Variants in NALF1 observed in about 807,000 individuals in gnomAD.
The protein encoded by NALF1 is family with sequence similarity 155 member A.
Under a neutral mutation model 48.4 loss-of-function variants are expected in NALF1, and 3 were observed. The ratio of observed to expected loss-of-function variants is 0.06; its 90% confidence interval spans 0.03 to 0.16. The LOEUF is 0.16. Ranked by LOEUF, NALF1 falls within the 10% of genes least tolerant of loss-of-function variation. The pLI is 1.00. For missense variants in NALF1, 526 were observed against 571.5 expected, an observed-to-expected ratio of 0.92 and a Z score of 0.81; for synonymous variants, 262 against 245.7, an observed-to-expected ratio of 1.07 and a Z score of -0.62.
At chr13:107,277,684 T>G (rs1346198739) in intron 1 of NALF1, among the ~76,000 whole-genome samples, 2 of 152,224 alleles carry the variant, frequency 1.3e-5, no homozygotes, top group South Asian at 2.1e-4. Flanking sequence ...CTTCTCCATA[T>G]TCCCAATTTC....
In NALF1 at chr13:107,865,118, G is replaced by C. The variant is rs529926838; in HGVS notation, c.915+564C>G. On this transcript the variant is annotated intron_variant, in intron 1 of 2. Transcript: ENST00000375915. ...AACTTAAAAAAAGTAAATATCCTCA[G>C]GTAGGCCCCCAGACTTTCTGAACAA... Among the ~76,000 whole-genome samples the C allele has an allele frequency of 4.6e-3, 705 of 152,272 alleles. 3 individuals carry two copies. Among genetic ancestry groups the C allele is most frequent in the Non-Finnish European group, 7.4e-3 (505 of 68,022 alleles).
At chr13:107,256,496 C>T (rs1021365622) in intron 1 of NALF1, among the ~76,000 whole-genome samples, 3 of 152,190 alleles carry the variant, frequency 2.0e-5, no homozygotes, top group Non-Finnish European at 2.9e-5. Flanking sequence ...ATATATGTAG[C>T]TGTTACAATT....
chr13:107,543,026 T>A (rs1470703633), intron 1 of NALF1, among the ~76,000 whole-genome samples: 1 of 152,100 alleles, frequency 6.6e-6, no homozygotes, highest in African/African-American at 2.4e-5. Context: ...GTTTCTTATA[T>A]CTGTTTACTA....
At chr13:107,534,899 C>A (rs1203902572) in intron 1 of NALF1, among the ~76,000 whole-genome samples, 1 of 152,170 alleles carries the variant, frequency 6.6e-6, no homozygotes, top group African/African-American at 2.4e-5. Context: ...AACGCATCCA[C>A]ATACCAAGAT....
chr13:107,695,170 G>A (rs920437648), intron 1 of NALF1, among the ~76,000 whole-genome samples: 1 of 152,092 alleles, frequency 6.6e-6, no homozygotes, highest in East Asian at 1.9e-4. Flanking sequence ...CTAAGCCTCA[G>A]TTTTCTCAGA....
chr13:107,265,092 C>T (rs1881012838), intron 1 of NALF1, among the ~76,000 whole-genome samples: 1 of 152,170 alleles, frequency 6.6e-6, no homozygotes, highest in African/African-American at 2.4e-5. Flanking sequence ...TTTTATTTTG[C>T]CAATCACTTG....
At chr13:107,855,918 T>A (rs2138646104) in intron 1 of NALF1, among the ~76,000 whole-genome samples, 1 of 152,296 alleles carries the variant, frequency 6.6e-6, no homozygotes, top group Middle Eastern at 3.4e-3. Flanking sequence ...GAGAATTTTT[T>A]TTTTTTTCAG....
intron 1 of NALF1, among the ~76,000 whole-genome samples, chr13:107,576,311 A>G (rs1329756299): frequency 2.6e-5 from 4 of 152,204 alleles, no homozygotes; most frequent in Non-Finnish European, 5.9e-5. Flanking sequence ...CCCAGCTTTA[A>G]AATTCCTAAC....
rs150076076 is a variant in NALF1, at chr13:107,596,698, T to C, written c.915+268984A>G. On this transcript the variant is annotated intron_variant, in intron 1 of 2. Transcript: ENST00000375915. ...GGGGGGTGGGGGACTAGGGGGAGGATAGCATTATGAGAAATACCTAATGTA... is the reference window on the plus strand; with the variant it reads ...GGGGGGTGGGGGACTAGGGGGAGGACAGCATTATGAGAAATACCTAATGTA... 9.9e-5 allele frequency among the ~76,000 whole-genome samples: 15 copies of C among 152,150 alleles called. No homozygotes were observed. The East Asian group carries it at 2.7e-3, about 27-fold the overall frequency.
At chr13:107,434,478 A>C (rs1354502412) in intron 1 of NALF1, among the ~76,000 whole-genome samples, 10 of 152,212 alleles carry the variant, frequency 6.6e-5, no homozygotes, top group Admixed American at 6.5e-4. Flanking sequence ...TTATTGGTTT[A>C]GATTTTACAC....
intron 1 of NALF1, among the ~76,000 whole-genome samples, chr13:107,548,757 TTGAC>T (rs932039777): frequency 3.9e-5 from 6 of 152,164 alleles, no homozygotes; most frequent in African/African-American, 1.4e-4. Flanking sequence ...GATGTCCTTC[TTGAC>T]TATCTACTTG....
intron 1 of NALF1, among the ~76,000 whole-genome samples, chr13:107,213,284 AT>A (rs750847464): frequency 3.1e-4 from 46 of 147,910 alleles, no homozygotes; most frequent in Admixed American, 2.9e-3. Flanking sequence ...AGATCACAGC[AT>A]TTTTTTTTAA....
At chr13:107,434,233 G>A (rs768264365) in intron 1 of NALF1, among the ~76,000 whole-genome samples, 7 of 152,170 alleles carry the variant, frequency 4.6e-5, no homozygotes, top group Non-Finnish European at 8.8e-5. Flanking sequence ...ATCTTAGTCA[G>A]TGGACTCTCA....
chr13:107,235,456 A>G (rs1880322293), intron 1 of NALF1, among the ~76,000 whole-genome samples: 1 of 152,160 alleles, frequency 6.6e-6, no homozygotes, highest in Non-Finnish European at 1.5e-5. Flanking sequence ...AAATCCATGA[A>G]TACTCAATTC....
chr13:107,431,430 T>A (rs1296145029), intron 1 of NALF1, among the ~76,000 whole-genome samples: 1 of 152,188 alleles, frequency 6.6e-6, no homozygotes, highest in East Asian at 1.9e-4. Flanking sequence ...CAATCTCAAT[T>A]TGGACAACAA....
intron 1 of NALF1, among the ~76,000 whole-genome samples, chr13:107,409,532 T>C (rs1462260590): frequency 6.6e-6 from 1 of 152,056 alleles, no homozygotes; most frequent in African/African-American, 2.4e-5. Context: ...GGCTCAAAAA[T>C]CAGTGTGGGA....
At chr13:107,381,063 T>A (rs1457515256) in intron 1 of NALF1, among the ~76,000 whole-genome samples, 1 of 149,274 alleles carries the variant, frequency 6.7e-6, no homozygotes, top group Admixed American at 6.7e-5. Flanking sequence ...AAAGTAAATA[T>A]TCATATATAC....
intron 1 of NALF1, among the ~76,000 whole-genome samples, chr13:107,544,955 A>G (rs1027591077): frequency 6.6e-6 from 1 of 152,188 alleles, no homozygotes; most frequent in South Asian, 2.1e-4. Context: ...ACAGTCACAA[A>G]AATAAACATA....
At chr13:107,391,382 C>T (rs531214593) in intron 1 of NALF1, among the ~76,000 whole-genome samples, 150 of 152,162 alleles carry the variant, frequency 9.9e-4, no homozygotes, top group African/African-American at 3.3e-3. Context: ...CATAATGTTA[C>T]GAGAAAAGGA....
Sources: gnomAD v4.1 joint callset for allele counts (sites outside exome capture counted in the v4.1 genomes callset) on GRCh38, gnomAD v4.1.1 for gene constraint, MANE v1.5 for transcripts, NCBI Gene and HGNC (gene_info 2026-07-23, HGNC 2026-07-21) for gene names.